Variants in EIF4E3 observed in about 807,000 individuals in gnomAD.
The protein encoded by EIF4E3 is eukaryotic translation initiation factor 4E family member 3.
EIF4E3 carries 26 observed loss-of-function variants against 31.7 expected under a neutral mutation model. The observed-to-expected ratio is 0.82, with a 90% CI of 0.60 to 1.14. EIF4E3 has a LOEUF of 1.14. Among genes scored for constraint, EIF4E3 ranks in the 50% most tolerant of loss-of-function variants. EIF4E3 has a pLI of 0.00. For synonymous variants in EIF4E3, 128 were observed against 107.7 expected, an observed-to-expected ratio of 1.19 and a Z score of -1.17; for missense variants, 304 against 270.9, an observed-to-expected ratio of 1.12 and a Z score of -0.86.
chr3:71,691,624 T>G (rs545945419), intron 5 of EIF4E3, among the ~76,000 whole-genome samples: 79 of 152,236 alleles, frequency 5.2e-4, no homozygotes, highest in Non-Finnish European at 8.8e-4. Flanking sequence ...ATCTGGATGC[T>G]AGTTACAGTT....
intron 1 of EIF4E3, among the ~76,000 whole-genome samples, chr3:71,740,241 T>C (rs2049806291): frequency 6.6e-6 from 1 of 152,232 alleles, no homozygotes; most frequent in South Asian, 2.1e-4. Flanking sequence ...AATCTTACCA[T>C]ATTAATATTC....
chr3:71,713,224 G>A (rs1436389198), intron 1 of EIF4E3, among the ~76,000 whole-genome samples: 2 of 152,174 alleles, frequency 1.3e-5, no homozygotes, highest in East Asian at 3.8e-4. Flanking sequence ...CAGGTGAGCA[G>A]GCTGGTACTT....
rs570725251 is a variant in EIF4E3 at position 71,748,538 on chromosome 3, T to C, written c.-291+4925A>G. Among the ~76,000 whole-genome samples the C allele has an allele frequency of 2.7e-3, 413 of 152,228 alleles. 3 individuals carry two copies. The highest frequency in any genetic ancestry group is 9.7e-3 in the African/African-American group (404 of 41,524). ...GGAGCTGCACCCAGTTTCTCAGATA[T>C]ACTGCTGAGAAGAATACCTGTGGAT... On this transcript the variant is annotated intron_variant, in intron 1 of 7. Coordinates refer to the EIF4E3 transcript ENST00000295612.
intron 1 of EIF4E3, among the ~76,000 whole-genome samples, chr3:71,745,317 T>C (rs2049860526): frequency 1.3e-5 from 2 of 152,188 alleles, no homozygotes; most frequent in South Asian, 4.1e-4. Context: ...AGAGCCAAAC[T>C]TTCATATTTT....
upstream of EIF4E3, chr3:71,754,181 GC>G: frequency 6.9e-7 from 1 of 1,442,640 alleles, no homozygotes; most frequent in Non-Finnish European, 9.2e-7. The surrounding 1 kb of genome is among the most constrained non-coding windows in gnomAD (Gnocchi z 5.8). Context: ...TGCTGATCGT[GC>G]GGGAGCGCAG....
intron 4 of EIF4E3, 96 bp downstream of exon 4, chr3:71,696,364 G>A (rs1578342656): frequency 7.3e-7 from 1 of 1,373,166 alleles, no homozygotes; most frequent in African/African-American, 1.4e-5. Context: ...GGGACTGCCA[G>A]GTAAATAGGC....
chr3:71,754,404 A>G, upstream of EIF4E3: 2 of 1,345,180 alleles, frequency 1.5e-6, no homozygotes, highest in South Asian at 1.7e-5. The surrounding 1 kb of genome is among the most constrained non-coding windows in gnomAD (Gnocchi z 5.8). Context: ...CGTGGGCGTC[A>G]CCCGCTACCT....
intron 1 of EIF4E3, among the ~76,000 whole-genome samples, chr3:71,723,347 T>C (rs909736914): frequency 3.3e-5 from 5 of 152,256 alleles, no homozygotes; most frequent in African/African-American, 4.8e-5. Context: ...TGAATTCATA[T>C]GTACAATATT....
chr3:71,739,181 T>G (rs2049795250), intron 1 of EIF4E3, among the ~76,000 whole-genome samples: 1 of 150,392 alleles, frequency 6.6e-6, no homozygotes, highest in Non-Finnish European at 1.5e-5. Flanking sequence ...CAGCCTAAAT[T>G]CCTACATTAA....
chr3:71,722,782 G>A (rs895978642), intron 1 of EIF4E3, among the ~76,000 whole-genome samples: 1 of 152,216 alleles, frequency 6.6e-6, no homozygotes, highest in African/African-American at 2.4e-5. Flanking sequence ...GTTGGGGTGT[G>A]GGTATGGGGA....
In EIF4E3 at chr3:71,680,961, T is replaced by G. The variant is rs2048915442; in HGVS notation, c.*3721A>C. On this transcript the variant is annotated 3_prime_UTR_variant, in exon 7 of 7. Coordinates refer to ENST00000425534, the MANE Select transcript of EIF4E3 (RefSeq NM_001134651.2). ...ATTACATTTTTAAAAGGAAGTTCCATATTCAGAGTGCTAAAAAAAATCAAC... is the reference window on the plus strand; with the variant it reads ...ATTACATTTTTAAAAGGAAGTTCCAGATTCAGAGTGCTAAAAAAAATCAAC... 6.6e-6 allele frequency: 1 copy of G among 152,222 alleles called. No individual in the cohort carries two copies. Among genetic ancestry groups the G allele is most frequent in the African/African-American group, 2.4e-5 (1 of 41,452 alleles). 9.4% of individuals were successfully genotyped at this position (152,222 alleles called of 1,614,324 possible). A position where few individuals can be genotyped will look rare whatever the true frequency, so the allele number is the denominator to read the frequency against.
rs2049614039 is a variant in EIF4E3 at position 71,725,206 on chromosome 3, G to A, written c.162C>T (p.Thr54=). ...CGCCCCCTCACCTGTCGAGCCAGAA[G>A]GTCCAGGACGAGTGCAGCGGGACCC... ...PGGVPLHSSW[T]FWLDRSLPGA... Residue 54 remains threonine, a synonymous_variant, in exon 1 of 7, where the codon ACC becomes ACT. Transcript: ENST00000425534. This position sits in a 1 kb window ranked among gnomAD's most constrained non-coding sequence, Gnocchi z 6.1. 1 of 1,127,206 alleles carries A rather than the reference G, an allele frequency of 8.9e-7. No individual in the cohort carries two copies. The allele number at this position is 1,127,206 out of a possible 1,614,324, so 69.8% of individuals were successfully genotyped here. A position where few individuals can be genotyped will look rare whatever the true frequency, so the allele number is the denominator to read the frequency against.
At chr3:71,700,159 G>A (rs1264171659) in intron 2 of EIF4E3, among the ~76,000 whole-genome samples, 1 of 152,242 alleles carries the variant, frequency 6.6e-6, no homozygotes, top group Non-Finnish European at 1.5e-5. Context: ...TGGGCAACAG[G>A]AGTGAGCCCC....
chr3:71,697,898 A>G (rs1192172539), intron 3 of EIF4E3, among the ~76,000 whole-genome samples: 1 of 152,146 alleles, frequency 6.6e-6, no homozygotes, highest in African/African-American at 2.4e-5. Flanking sequence ...TCTCTTCGAC[A>G]TACTGATTTC....
At chr3:71,711,621 G>A (rs1287831854) in intron 1 of EIF4E3, among the ~76,000 whole-genome samples, 1 of 152,192 alleles carries the variant, frequency 6.6e-6, no homozygotes, top group Admixed American at 6.5e-5. Context: ...AGCACAGCAA[G>A]GACTACAGTC....
intron 1 of EIF4E3, among the ~76,000 whole-genome samples, chr3:71,737,799 C>A (rs1329809623): frequency 1.3e-5 from 2 of 151,546 alleles, no homozygotes; most frequent in African/African-American, 4.9e-5. Context: ...AAACAAAAAA[C>A]AACAACAACA....
intron 4 of EIF4E3, among the ~76,000 whole-genome samples, chr3:71,695,867 T>C (rs1173817266): frequency 6.6e-6 from 1 of 152,176 alleles, no homozygotes; most frequent in South Asian, 2.1e-4. Context: ...GTCAATAAGA[T>C]GAATTAGAGC....
upstream of EIF4E3, among the ~76,000 whole-genome samples, chr3:71,726,284 A>C (rs1423849201): frequency 6.6e-6 from 1 of 152,198 alleles, no homozygotes; most frequent in Non-Finnish European, 1.5e-5. Context: ...GGGAGGAGGA[A>C]AGCGGGCACC....
chr3:71,687,563 C>A (rs1162496532), intron 6 of EIF4E3, among the ~76,000 whole-genome samples: 1 of 152,186 alleles, frequency 6.6e-6, no homozygotes, highest in Non-Finnish European at 1.5e-5. Flanking sequence ...GCTCCAGCTT[C>A]CTGCTGTAAA....
Sources: allele counts gnomAD v4.1 joint callset (sites outside exome capture counted in the v4.1 genomes callset), GRCh38; gene constraint gnomAD v4.1.1; non-coding constraint Gnocchi (gnomAD v3.1); transcripts MANE v1.5; gene names NCBI Gene and HGNC (gene_info 2026-07-23, HGNC 2026-07-21).